CPNE7: variants seen among roughly 807,000 people sequenced by gnomAD.
The protein encoded by CPNE7 is copine-7.
Under a neutral mutation model 66.5 loss-of-function variants are expected in CPNE7, and 78 were observed. The ratio of observed to expected loss-of-function variants is 1.17; its 90% confidence interval spans 0.98 to 1.42. CPNE7 has a LOEUF of 1.42. Ranked by LOEUF, CPNE7 falls within the 40% of genes most tolerant of loss-of-function variation. CPNE7 has a pLI of 0.00. For missense variants in CPNE7, 1,012 were observed against 776.6 expected, an observed-to-expected ratio of 1.30 and a Z score of -3.60; for synonymous variants, 468 against 336.7, an observed-to-expected ratio of 1.39 and a Z score of -4.27.
At position 89,575,842 on chromosome 16, in the gene CPNE7, G is replaced by C; in HGVS notation, c.-56G>C. On this transcript the variant is annotated 5_prime_UTR_variant, in exon 1 of 15. Coordinates refer to ENST00000319518, the MANE Select transcript of CPNE7 (RefSeq NM_153636.3). The stretch of plus-strand genomic sequence containing the variant: ...ATTTCCCGGGCGCCGCGGCGGCGCC[G>C]ACTCGCGGGCAGCGGCCCCTCAGTG... 8.7e-7 allele frequency: 1 copy of C among 1,143,652 alleles called. No individual in the cohort carries two copies. The highest frequency in any genetic ancestry group is 1.1e-6 in the Non-Finnish European group (1 of 930,178). 70.8% of individuals were successfully genotyped at this position (1,143,652 alleles called of 1,614,324 possible).
chr16:89,583,895 C>T, intron 3 of CPNE7, 124 bp downstream of exon 3: 1 of 1,441,780 alleles, frequency 6.9e-7, no homozygotes, highest in Non-Finnish European at 9.5e-7. Context: ...GGCAGCTACA[C>T]AGCCCCGGGG....
At chr16:89,583,610 G>A in intron 2 of CPNE7, 87 bp from the exon 3 acceptor site, 2 of 1,607,594 alleles carry the variant, frequency 1.2e-6, no homozygotes, top group Non-Finnish European at 1.7e-6. Flanking sequence ...GGACAGGCCT[G>A]AGAGTCCGGG....
rs3751681 is a variant in CPNE7, at chr16:89,596,782, C to T, written c.*161C>T. 9,869 of 1,003,066 alleles carry T rather than the reference C, an allele frequency of 9.8e-3. 566 individuals carry two copies. The East Asian group carries it at 0.13, about 13-fold the overall frequency. 62.1% of individuals were successfully genotyped at this position (1,003,066 alleles called of 1,614,324 possible). ...TCCTGGGATCCTGCTGGCTTGGGCC[C>T]GGCTCTGGGGCCCCCAAGGCCGAAG... On this transcript the variant is annotated 3_prime_UTR_variant, in exon 15 of 15. Transcript: ENST00000319518.
intron 13 of CPNE7, 21 bp downstream of exon 13, chr16:89,591,281 G>A (rs778313171): frequency 1.3e-6 from 2 of 1,545,996 alleles, no homozygotes; most frequent in Admixed American, 1.9e-5. Flanking sequence ...GGGGGGTGTG[G>A]TGCATGCTTG....
intron 7 of CPNE7, among the ~76,000 whole-genome samples, chr16:89,586,212 G>T (rs2151439698): frequency 6.6e-6 from 1 of 152,244 alleles, no homozygotes; most frequent in South Asian, 2.1e-4. Flanking sequence ...AGAGAAGGCT[G>T]AGGATGGTGG....
At chr16:89,583,238 C>T (rs998198905) in intron 2 of CPNE7, among the ~76,000 whole-genome samples, 5 of 152,182 alleles carry the variant, frequency 3.3e-5, no homozygotes, top group South Asian at 2.1e-4. Flanking sequence ...CCCGTGGCTA[C>T]GTGGACATGC....
intron 1 of CPNE7, 31 bp from the exon 2 acceptor site, chr16:89,577,508 G>T (rs1177857162): frequency 2.6e-6 from 4 of 1,548,922 alleles, no homozygotes; most frequent in Non-Finnish European, 3.5e-6. Flanking sequence ...GAAGCCTCTG[G>T]AGTGGGGTCG....
In CPNE7 at chr16:89,596,532, C is replaced by T; in HGVS notation, c.1588C>T (p.Gln530Ter). ...AKCVLAEVPK[Q>*]VVEYYSHRGL... ...GTGCGTGCTGGCCGAGGTCCCGAAG[C>T]AGGTGGTGGAGTACTACAGCCACAG... The change falls in exon 15 of 15, where the codon CAG becomes TAG. Residue 530 changes from glutamine to a stop codon, truncating the protein, a stop_gained. Transcript: ENST00000319518. LOFTEE classifies it low-confidence loss of function (END_TRUNC). 11 of 1,610,144 alleles carry T rather than the reference C, an allele frequency of 6.8e-6. No homozygotes were observed. Among genetic ancestry groups the T allele is most frequent in the Non-Finnish European group, 9.3e-6 (11 of 1,179,838 alleles).
At chr16:89,586,546 C>T in intron 7 of CPNE7, 124 bp from the exon 8 acceptor site, 1 of 721,122 alleles carries the variant, frequency 1.4e-6, no homozygotes, top group Non-Finnish European at 2.4e-6. Context: ...GCAGCAGTGC[C>T]CTCCCCTCCC....
intron 13 of CPNE7, among the ~76,000 whole-genome samples, chr16:89,591,890 G>C (rs912802973): frequency 2.6e-5 from 4 of 151,672 alleles, no homozygotes; most frequent in South Asian, 4.2e-4. Context: ...TAGTAGAGAC[G>C]GGGTTTCACC....
rs574968791 is a variant in CPNE7 at position 89,589,968 on chromosome 16, C to A, written c.1116+17C>A. On this transcript the variant is annotated intron_variant, in intron 11 of 14. Transcript: ENST00000319518. ...AAGTATGAGGTAGGAGAGCCCAGAA[C>A]CTGAGACCTCAGAGCTGTGCCCTTC... 1.2e-6 allele frequency: 2 copies of A among 1,613,264 alleles called. No homozygotes were observed. The highest frequency in any genetic ancestry group is 3.3e-5 in the Admixed American group (2 of 59,992).
chr16:89,585,411 C>G (rs1296568461), intron 5 of CPNE7, 53 bp from the exon 6 acceptor site: 2 of 1,308,486 alleles, frequency 1.5e-6, no homozygotes, highest in South Asian at 1.2e-5. Context: ...CTATCCCCCC[C>G]AAGGATCCCA....
intron 2 of CPNE7, chr16:89,578,949 C>T (rs775280836): frequency 6.2e-7 from 1 of 1,612,860 alleles, no homozygotes; most frequent in East Asian, 2.2e-5. Context: ...TCCTGTGCTG[C>T]ACGGAATCCT....
chr16:89,595,331 G>A, intron 13 of CPNE7, 36 bp from the exon 14 acceptor site: 1 of 1,514,026 alleles, frequency 6.6e-7, no homozygotes, highest in Non-Finnish European at 9.0e-7. Context: ...GGCCATGGCA[G>A]GTGTGGTGTT....
chr16:89,576,218 G>A (rs1460854790), intron 1 of CPNE7, 147 bp downstream of exon 1: 5 of 586,778 alleles, frequency 8.5e-6, no homozygotes, highest in Non-Finnish European at 1.3e-5. Context: ...GGTCAGGGTT[G>A]GGGGTTACCA....
intron 2 of CPNE7, 93 bp from the exon 3 acceptor site, chr16:89,583,604 A>G: frequency 2.5e-6 from 4 of 1,606,568 alleles, no homozygotes; most frequent in Non-Finnish European, 2.6e-6. Flanking sequence ...GAGACAGGAC[A>G]GGCCTGAGAG....
At chr16:89,580,817 AACACGGAACATCCCGTCACCCATC>A (rs1567953327) in intron 2 of CPNE7, among the ~76,000 whole-genome samples, 18 of 108,056 alleles carry the variant, frequency 1.7e-4, no homozygotes, top group Admixed American at 8.5e-4. Flanking sequence ...CGTCACCTGT[AACACGGAACATCCCGTCACCCATC>A]ACACGGAACA....
In CPNE7 at chr16:89,595,619, G is replaced by A. The variant is rs559798327; in HGVS notation, c.1539+16G>A. ...GCTCAAGAACGTGAGTGTCCTGGAG[G>A]GGCTCCGTCAAGGCCGGCTTGGGGG... On this transcript the variant is annotated intron_variant, in intron 14 of 14. Coordinates refer to ENST00000319518, the MANE Select transcript of CPNE7 (RefSeq NM_153636.3). 18 of 1,590,350 alleles carry A rather than the reference G, an allele frequency of 1.1e-5. No individual in the cohort carries two copies. The East Asian group carries it at 3.6e-4, about 32-fold the overall frequency.
intron 1 of CPNE7, among the ~76,000 whole-genome samples, chr16:89,576,819 C>T (rs893079659): frequency 6.6e-6 from 1 of 152,148 alleles, no homozygotes; most frequent in Non-Finnish European, 1.5e-5. Flanking sequence ...CGCGGTCACC[C>T]GGTGGCGTCT....
Sources: gnomAD v4.1 joint callset for allele counts (sites outside exome capture counted in the v4.1 genomes callset) on GRCh38, gnomAD v4.1.1 for gene constraint, MANE v1.5 for transcripts, NCBI Gene and HGNC (gene_info 2026-07-23, HGNC 2026-07-21) for gene names.